Variants in XPNPEP3 observed in about 807,000 individuals in gnomAD.
XPNPEP3 encodes the protein xaa-Pro aminopeptidase 3.
A neutral mutation model predicts 60.0 loss-of-function variants in XPNPEP3; 41 were observed. The observed-to-expected ratio is 0.68, with a 90% confidence interval of 0.53 to 0.89. The LOEUF (loss-of-function observed/expected upper bound fraction) is 0.89, where lower values mean the gene tolerates loss of function less well. XPNPEP3 is among the 40% of genes least tolerant of loss of function. The pLI is 0.00. For missense variants in XPNPEP3, 598 were observed against 638.9 expected (o/e 0.94, Z 0.69); for synonymous variants, 212 against 223.2 (o/e 0.95, Z 0.45).
chr22:40,897,085 G>A (rs953975989), intron 4 of XPNPEP3, among the ~76,000 whole-genome samples: 19 of 137,804 alleles, frequency 1.4e-4, no homozygotes, highest in African/African-American at 5.1e-4. Context: ...AGGCTGGAGT[G>A]CAGTGGCGCA....
chr22:40,902,872 CT>C (rs1555890320), intron 4 of XPNPEP3, among the ~76,000 whole-genome samples: 1 of 32,732 alleles, frequency 3.1e-5, no homozygotes, highest in Admixed American at 1.6e-4. Flanking sequence ...GTGCAGACTC[CT>C]CTGTTTTTCT....
At chr22:40,876,260 T>G (rs576862693) in intron 2 of XPNPEP3, among the ~76,000 whole-genome samples, 1 of 152,306 alleles carries the variant, frequency 6.6e-6, no homozygotes, top group East Asian at 1.9e-4. Flanking sequence ...TTATTTTGAT[T>G]TCATTTGTTG....
At position 40,903,909 on chromosome 22, in the gene XPNPEP3, CACAA is replaced by C. The variant is rs1008101358; in HGVS notation, c.793-3677_793-3674del. Among the ~76,000 whole-genome samples, 14 of 142,786 alleles carry C rather than the reference CACAA, an allele frequency of 9.8e-5. 1 individual carries two copies. Among genetic ancestry groups the C allele is most frequent in the East Asian group, 4.5e-4 (2 of 4,492 alleles). 93.7% of individuals were successfully genotyped at this position (142,786 alleles called of 152,430 possible). A position where few individuals can be genotyped will look rare whatever the true frequency, so the allele number is the denominator to read the frequency against. On this transcript the variant is annotated intron_variant, in intron 4 of 9. Transcript: ENST00000357137. Reference sequence around the variant, plus strand: ...ACACACACACACACACACACACACACACAAGTTTCATGAAATGGTTTGTGAAATG... The same window carrying C: ...ACACACACACACACACACACACACACGTTTCATGAAATGGTTTGTGAAATG...
chr22:40,922,210 A>G, intron 7 of XPNPEP3, 123 bp from the exon 8 acceptor site: 1 of 1,156,698 alleles, frequency 8.6e-7, no homozygotes, highest in Non-Finnish European at 1.3e-6. Context: ...ATTGGTACTT[A>G]TTAAACATCA....
intron 4 of XPNPEP3, 91 bp downstream of exon 4, chr22:40,886,606 A>G: frequency 8.3e-7 from 1 of 1,208,188 alleles, no homozygotes; most frequent in South Asian, 1.2e-5. Context: ...CAGGTGGATC[A>G]TGAGGTCAGG....
At chr22:40,886,668 A>AG (rs2058070118) in intron 4 of XPNPEP3, among the ~76,000 whole-genome samples, 153 bp downstream of exon 4, 2 of 151,882 alleles carry the variant, frequency 1.3e-5, no homozygotes, top group African/African-American at 4.8e-5. Context: ...TACTAAAAAA[A>AG]CATAAAAAAT....
chr22:40,910,289 T>G (rs545475259), intron 6 of XPNPEP3, among the ~76,000 whole-genome samples: 99 of 152,268 alleles, frequency 6.5e-4, no homozygotes, highest in Non-Finnish European at 1.1e-3. Flanking sequence ...CCTTGACTTT[T>G]AAGAAATAGT....
Position 40,923,826 on chromosome 22 carries a change from T to G in XPNPEP3, c.1237-536T>G, listed in dbSNP as rs555438086. Among the ~76,000 whole-genome samples, 5 of 152,080 alleles carry G rather than the reference T, an allele frequency of 3.3e-5. No homozygotes were observed. In the South Asian group the frequency reaches 1.0e-3, roughly 32 times the overall value. On this transcript the variant is annotated intron_variant, in intron 8 of 9. Transcript: ENST00000357137. ...AAGATCACACCACTGCACTCCAGCC[T>G]GGGCAGCAGAGCAAGACTCCATCTC...
At chr22:40,871,308 A>G (rs1276885309) in intron 2 of XPNPEP3, among the ~76,000 whole-genome samples, 1 of 151,994 alleles carries the variant, frequency 6.6e-6, no homozygotes, top group East Asian at 1.9e-4. Flanking sequence ...AGCTGTGATC[A>G]TGCCTCTGCA....
chr22:40,896,683 T>A (rs2058109485), intron 4 of XPNPEP3, among the ~76,000 whole-genome samples: 1 of 152,114 alleles, frequency 6.6e-6, no homozygotes, highest in African/African-American at 2.4e-5. Context: ...GTCTTAAAAA[T>A]GGCTAAAATA....
chr22:40,907,967 A>G (rs1464110214), intron 5 of XPNPEP3, among the ~76,000 whole-genome samples: 1 of 152,196 alleles, frequency 6.6e-6, no homozygotes, highest in African/African-American at 2.4e-5. Flanking sequence ...TAATCCCAGC[A>G]GTGTGGGAGG....
intron 1 of XPNPEP3, among the ~76,000 whole-genome samples, chr22:40,868,078 TGTC>T (rs997345149): frequency 6.6e-6 from 1 of 152,186 alleles, no homozygotes; most frequent in Non-Finnish European, 1.5e-5. Flanking sequence ...CATATAGCCT[TGTC>T]ATTCATGTGT....
intron 8 of XPNPEP3, among the ~76,000 whole-genome samples, chr22:40,923,515 T>A (rs2058224123): frequency 6.6e-6 from 1 of 152,020 alleles, no homozygotes; most frequent in South Asian, 2.1e-4. Flanking sequence ...AAGCTATAAA[T>A]TGGCTGTTGC....
Position 40,927,874 on chromosome 22 carries a change from C to CAAAAAAAAAAAAAAA in XPNPEP3, c.*1443_*1457dup, listed in dbSNP as rs573345765. On this transcript the variant is annotated 3_prime_UTR_variant, in exon 10 of 10. Coordinates refer to ENST00000357137, the MANE Select transcript of XPNPEP3 (RefSeq NM_022098.4). ...TGGGTGACAGAGCGAGACTCCGTCTCAAAAAAAAAAAAAAAAAAGAAAAAA... is the reference window on the plus strand; with the variant it reads ...TGGGTGACAGAGCGAGACTCCGTCTCAAAAAAAAAAAAAAAAAAAAAAAAAAAAAAAAAGAAAAAA... The CAAAAAAAAAAAAAAA allele has an allele frequency of 1.8e-5, 1 of 55,542 alleles. No individual in the cohort carries two copies. The highest frequency in any genetic ancestry group is 3.6e-5 in the Non-Finnish European group (1 of 27,806). The allele number at this position is 55,542 out of a possible 1,614,324, so 3.4% of individuals were successfully genotyped here.
intron 8 of XPNPEP3, among the ~76,000 whole-genome samples, chr22:40,924,116 T>A (rs9623282): frequency 0.055 from 8,306 of 152,222 alleles, 723 homozygotes; most frequent in African/African-American, 0.19. Flanking sequence ...TACTCAAGTC[T>A]GCATGTATGT....
chr22:40,911,652 T>C lies in XPNPEP3; in HGVS notation c.969+2417T>C, dbSNP rs527757305. On this transcript the variant is annotated intron_variant, in intron 6 of 9. Coordinates refer to ENST00000357137, the MANE Select transcript of XPNPEP3 (RefSeq NM_022098.4). ...TCTACCTCCCAGGTTCAAGCGATTC[T>C]CCTTCCTCAGCCTCCTGAGTAGGTG... Among the ~76,000 whole-genome samples the C allele has an allele frequency of 2.6e-5, 4 of 152,042 alleles. No individual in the cohort carries two copies. The East Asian group carries it at 7.7e-4, about 29-fold the overall frequency.
intron 4 of XPNPEP3, among the ~76,000 whole-genome samples, chr22:40,903,956 C>A (rs1021215911): frequency 6.6e-6 from 1 of 151,968 alleles, no homozygotes; most frequent in African/African-American, 2.4e-5. Context: ...TCTCTACTCT[C>A]CCTTCTCCAT....
intron 7 of XPNPEP3, among the ~76,000 whole-genome samples, chr22:40,920,406 T>C (rs190130671): frequency 5.3e-5 from 8 of 152,090 alleles, no homozygotes; most frequent in Admixed American, 2.0e-4. Flanking sequence ...GAGGAGGCTT[T>C]CAGGGGAGAT....
chr22:40,892,352 C>T (rs1171074555), intron 4 of XPNPEP3, among the ~76,000 whole-genome samples: 1 of 151,874 alleles, frequency 6.6e-6, no homozygotes, highest in East Asian at 1.9e-4. Context: ...GCCCAGCTAA[C>T]GTTTTTGTAT....
Sources: allele counts gnomAD v4.1 joint callset (sites outside exome capture counted in the v4.1 genomes callset), GRCh38; gene constraint gnomAD v4.1.1; transcripts MANE v1.5; gene names NCBI Gene and HGNC (gene_info 2026-07-23, HGNC 2026-07-21).